CYP39A1: variants seen among roughly 807,000 people sequenced by gnomAD.
The protein encoded by CYP39A1 is 24-hydroxycholesterol 7-alpha-hydroxylase.
A neutral mutation model predicts 58.1 loss-of-function variants in CYP39A1; 49 were observed. The observed-to-expected ratio is 0.84, with a 90% CI of 0.67 to 1.07. CYP39A1 has a LOEUF of 1.07. Ranked by LOEUF, CYP39A1 falls within the 50% of genes least tolerant of loss-of-function variation. The pLI, the probability that CYP39A1 is intolerant of heterozygous loss-of-function variation, is 0.00. For missense variants in CYP39A1, 531 were observed against 539.4 expected (o/e 0.98, Z 0.16); for synonymous variants, 209 against 187.6 (o/e 1.11, Z -0.93).
intron 7 of CYP39A1, among the ~76,000 whole-genome samples, chr6:46,618,152 C>A (rs1774725400): frequency 6.6e-6 from 1 of 152,082 alleles, no homozygotes; most frequent in African/African-American, 2.4e-5. Context: ...ACTTACAAAG[C>A]AATTACGATT....
intron 1 of CYP39A1, among the ~76,000 whole-genome samples, chr6:46,649,980 G>C (rs1186194682): frequency 1.3e-5 from 2 of 152,108 alleles, no homozygotes; most frequent in African/African-American, 4.8e-5. Context: ...GCCATAAGTA[G>C]TGTCTTATGC....
chr6:46,621,874 C>T (rs1269243563), intron 7 of CYP39A1, among the ~76,000 whole-genome samples: 1 of 151,986 alleles, frequency 6.6e-6, no homozygotes, highest in Non-Finnish European at 1.5e-5. Context: ...AGTCAATATT[C>T]CTTATTAACA....
chr6:46,638,548 T>A (rs1321653216), intron 3 of CYP39A1, among the ~76,000 whole-genome samples: 1 of 152,178 alleles, frequency 6.6e-6, no homozygotes, highest in East Asian at 1.9e-4. Flanking sequence ...CTTAAAACAC[T>A]TAATACTGTT....
chr6:46,557,419 T>G (rs1362779590), intron 10 of CYP39A1, among the ~76,000 whole-genome samples: 1 of 151,858 alleles, frequency 6.6e-6, no homozygotes, highest in Non-Finnish European at 1.5e-5. Context: ...GGCAGGTAGA[T>G]GACCTGAGGC....
chr6:46,612,947 T>C (rs1315193057), intron 7 of CYP39A1, among the ~76,000 whole-genome samples: 2 of 152,208 alleles, frequency 1.3e-5, no homozygotes, highest in Non-Finnish European at 2.9e-5. Flanking sequence ...AAGAAGGTTG[T>C]TATTGGTTGG....
intron 7 of CYP39A1, among the ~76,000 whole-genome samples, chr6:46,611,218 A>G (rs1218808081): frequency 6.6e-6 from 1 of 152,240 alleles, no homozygotes; most frequent in East Asian, 1.9e-4. Context: ...AGGATTTAGG[A>G]TAAGATTTTA....
chr6:46,636,371 A>G lies in CYP39A1; in HGVS notation c.732+18T>C. On this transcript the variant is annotated intron_variant, in intron 5 of 11. Coordinates refer to ENST00000275016, the MANE Select transcript of CYP39A1 (RefSeq NM_016593.5). ...TTACTATCTTTACATTAGCAAAAGA[A>G]AGGTAAGAAATACTTACCATGGAAT... 2 of 1,510,884 alleles carry G rather than the reference A, an allele frequency of 1.3e-6. No homozygotes were observed. Among genetic ancestry groups the G allele is most frequent in the Non-Finnish European group, 1.8e-6 (2 of 1,096,788 alleles). 93.6% of individuals were successfully genotyped at this position (1,510,884 alleles called of 1,614,324 possible). A position where few individuals can be genotyped will look rare whatever the true frequency, so the allele number is the denominator to read the frequency against.
intron 1 of CYP39A1, among the ~76,000 whole-genome samples, chr6:46,645,848 A>C (rs1430566651): frequency 6.6e-6 from 1 of 151,984 alleles, no homozygotes; most frequent in African/African-American, 2.4e-5. Context: ...TGTTTTGTGG[A>C]TTTTAGCATA....
At chr6:46,564,708 C>T (rs1046575069) in intron 10 of CYP39A1, among the ~76,000 whole-genome samples, 5 of 152,168 alleles carry the variant, frequency 3.3e-5, no homozygotes, top group African/African-American at 1.2e-4. Flanking sequence ...TTAAAGAGAA[C>T]ACCTCTCTCT....
intron 10 of CYP39A1, among the ~76,000 whole-genome samples, chr6:46,583,892 G>C (rs114820952): frequency 0.012 from 1,753 of 152,258 alleles, 29 homozygotes; most frequent in African/African-American, 0.04. Flanking sequence ...GGCCATAAGA[G>C]TGTGTGTTCA....
chr6:46,576,811 A>C (rs564464999), intron 10 of CYP39A1, among the ~76,000 whole-genome samples: 1 of 152,224 alleles, frequency 6.6e-6, no homozygotes, highest in Non-Finnish European at 1.5e-5. Context: ...TAATTTATAA[A>C]AATGAACAAA....
chr6:46,556,406 G>A (rs543521290), intron 10 of CYP39A1, among the ~76,000 whole-genome samples: 10 of 152,270 alleles, frequency 6.6e-5, no homozygotes, highest in South Asian at 2.1e-4. Context: ...GAAAGAGAGC[G>A]CACAAGAGTA....
At chr6:46,552,395 T>C (rs1175462729) in intron 11 of CYP39A1, among the ~76,000 whole-genome samples, 1 of 152,224 alleles carries the variant, frequency 6.6e-6, no homozygotes, top group African/African-American at 2.4e-5. Flanking sequence ...ACCGATAAGT[T>C]ACTCGTCCTC....
At chr6:46,632,595 C>A (rs1775729196) in intron 5 of CYP39A1, among the ~76,000 whole-genome samples, 1 of 151,670 alleles carries the variant, frequency 6.6e-6, no homozygotes, top group Admixed American at 6.6e-5. Flanking sequence ...TTGTTTTTAT[C>A]TGTTCCTCTC....
intron 10 of CYP39A1, among the ~76,000 whole-genome samples, chr6:46,585,046 C>A (rs186891392): frequency 2.6e-5 from 4 of 152,228 alleles, no homozygotes; most frequent in Admixed American, 6.6e-5. Context: ...TCTAAAAATA[C>A]GTAGTTTCTG....
intron 6 of CYP39A1, among the ~76,000 whole-genome samples, chr6:46,627,340 C>A (rs145993870): frequency 4.6e-5 from 7 of 152,202 alleles, no homozygotes; most frequent in African/African-American, 1.7e-4. Flanking sequence ...TTTAGAGATT[C>A]AATAAAATTG....
chr6:46,556,218 C>T (rs1290505583), intron 10 of CYP39A1, among the ~76,000 whole-genome samples: 7 of 152,158 alleles, frequency 4.6e-5, no homozygotes, highest in Non-Finnish European at 8.8e-5. Flanking sequence ...AAGAATGAGA[C>T]GAAACCCATG....
intron 10 of CYP39A1, among the ~76,000 whole-genome samples, chr6:46,565,217 G>A (rs973717287): frequency 2.0e-5 from 3 of 151,874 alleles, no homozygotes; most frequent in Admixed American, 6.6e-5. Context: ...AACTTGTCAA[G>A]GAAAATGATG....
At chr6:46,627,054 C>T (rs1469637975) in intron 6 of CYP39A1, among the ~76,000 whole-genome samples, 1 of 152,048 alleles carries the variant, frequency 6.6e-6, no homozygotes, top group Non-Finnish European at 1.5e-5. Flanking sequence ...AAATGGGAAG[C>T]AAGGCACATC....
Sources: gnomAD v4.1 joint callset for allele counts (sites outside exome capture counted in the v4.1 genomes callset) on GRCh38, gnomAD v4.1.1 for gene constraint, MANE v1.5 for transcripts, NCBI Gene and HGNC (gene_info 2026-07-23, HGNC 2026-07-21) for gene names.